The following MIPOL1 variants were observed in gnomAD, a reference collection of about 807,000 sequenced individuals.
MIPOL1 encodes mirror-image polydactyly gene 1 protein.
In MIPOL1, 57 loss-of-function variants were observed where a neutral mutation model predicts 60.9. The observed-to-expected ratio is 0.94, with a 90% CI of 0.76 to 1.17. The LOEUF (loss-of-function observed/expected upper bound fraction) is 1.17. Among genes scored for constraint, MIPOL1 ranks in the 50% most tolerant of loss-of-function variants. The pLI, the probability that MIPOL1 is intolerant of heterozygous loss-of-function variation, is 0.00. For synonymous variants in MIPOL1, 179 were observed against 168.8 expected (o/e 1.06, Z -0.47); for missense variants, 551 against 511.6 (o/e 1.08, Z -0.74).
intron 11 of MIPOL1, among the ~76,000 whole-genome samples, chr14:37,456,809 T>C (rs2094480900): frequency 6.6e-6 from 1 of 152,150 alleles, no homozygotes; most frequent in South Asian, 2.1e-4. Context: ...TTTCTTAATA[T>C]GAAAAAAGCT....
intron 11 of MIPOL1, among the ~76,000 whole-genome samples, chr14:37,428,994 A>G (rs1324885531): frequency 6.6e-6 from 1 of 152,208 alleles, no homozygotes; most frequent in Non-Finnish European, 1.5e-5. Context: ...AATTCCACAT[A>G]TTATAAAAGT....
At chr14:37,251,541 G>A (rs1203370640) in intron 3 of MIPOL1, among the ~76,000 whole-genome samples, 1 of 151,024 alleles carries the variant, frequency 6.6e-6, no homozygotes, top group Non-Finnish European at 1.5e-5. Flanking sequence ...TTCTATTTAA[G>A]GGTTCTCTTT....
chr14:37,544,930 G>A (rs2095542096), intron 12 of MIPOL1, among the ~76,000 whole-genome samples: 1 of 152,150 alleles, frequency 6.6e-6, no homozygotes, highest in Admixed American at 6.5e-5. Flanking sequence ...AGTAAGATGA[G>A]CCTGTCTGTA....
chr14:37,238,227 A>T (rs939251278), intron 1 of MIPOL1, among the ~76,000 whole-genome samples: 6 of 152,204 alleles, frequency 3.9e-5, no homozygotes, highest in African/African-American at 1.4e-4. Flanking sequence ...GTTATAAACG[A>T]TTGCAAACAT....
intron 6 of MIPOL1, among the ~76,000 whole-genome samples, chr14:37,275,779 G>A (rs920468246): frequency 2.0e-5 from 3 of 150,994 alleles, no homozygotes; most frequent in Non-Finnish European, 1.5e-5. Context: ...GCTCACTTTA[G>A]AGCCTCTGCT....
intron 9 of MIPOL1, among the ~76,000 whole-genome samples, chr14:37,343,593 A>C: frequency 6.6e-6 from 1 of 152,206 alleles, no homozygotes. Context: ...TTTGTGACTC[A>C]AAGCAGATTG....
intron 1 of MIPOL1, among the ~76,000 whole-genome samples, chr14:37,229,873 A>G (rs1223726823): frequency 6.6e-6 from 1 of 152,204 alleles, no homozygotes; most frequent in Non-Finnish European, 1.5e-5. Flanking sequence ...AAAAAGTTGG[A>G]TTTAGAAATA....
intron 9 of MIPOL1, among the ~76,000 whole-genome samples, chr14:37,328,456 A>T (rs1277699935): frequency 6.6e-6 from 1 of 152,186 alleles, no homozygotes; most frequent in Non-Finnish European, 1.5e-5. Context: ...AAAGCTTCTT[A>T]AAAGTTTTAT....
intron 1 of MIPOL1, among the ~76,000 whole-genome samples, chr14:37,209,655 A>G (rs1332521390): frequency 6.6e-6 from 1 of 152,146 alleles, no homozygotes; most frequent in Admixed American, 6.5e-5. Context: ...GCAAGACTCC[A>G]TCTCAAAACA....
chr14:37,306,325 G>A (rs2086782197), intron 7 of MIPOL1, among the ~76,000 whole-genome samples: 1 of 151,624 alleles, frequency 6.6e-6, no homozygotes, highest in South Asian at 2.1e-4. Flanking sequence ...TTCCTTCCTG[G>A]TCATATAAAA....
intron 7 of MIPOL1, among the ~76,000 whole-genome samples, chr14:37,291,873 G>A (rs1426405613): frequency 6.7e-6 from 1 of 148,770 alleles, no homozygotes; most frequent in African/African-American, 2.5e-5. Flanking sequence ...ACCTCTCAAA[G>A]GTCTTACTTC....
chr14:37,498,794 G>A (rs2095171243), intron 11 of MIPOL1, among the ~76,000 whole-genome samples: 1 of 151,836 alleles, frequency 6.6e-6, no homozygotes, highest in African/African-American at 2.4e-5. Context: ...TAGTTCTATG[G>A]GACGCCTTCT....
Position 37,267,500 on chromosome 14 carries a change from A to AG in MIPOL1, c.251+331_251+332insG, listed in dbSNP as rs1006236721. Among the ~76,000 whole-genome samples the AG allele has an allele frequency of 3.2e-4, 49 of 151,304 alleles. 1 individual carries two copies. The highest frequency in any genetic ancestry group is 4.6e-4 in the African/African-American group (19 of 41,348). On this transcript the variant is annotated intron_variant, in intron 4 of 12. Transcript: ENST00000684589. ...AAGATTGTCTGAAGAAAAAAAAAAA[A>AG]AGAGAAAGTTAGAATTGGAAGAACT...
intron 12 of MIPOL1, among the ~76,000 whole-genome samples, chr14:37,537,769 A>C (rs2095512852): frequency 6.6e-6 from 1 of 152,192 alleles, no homozygotes; most frequent in Non-Finnish European, 1.5e-5. Context: ...ATATATATTG[A>C]ATGTTGAAAG....
intron 10 of MIPOL1, among the ~76,000 whole-genome samples, chr14:37,390,956 G>A (rs993551545): frequency 6.6e-5 from 10 of 152,014 alleles, no homozygotes; most frequent in African/African-American, 1.4e-4. Flanking sequence ...ATAAATAAAA[G>A]AAAATGACAC....
chr14:37,316,278 G>A (rs569799014), intron 9 of MIPOL1, among the ~76,000 whole-genome samples: 105 of 152,102 alleles, frequency 6.9e-4, no homozygotes, highest in Non-Finnish European at 1.1e-3. Flanking sequence ...TGATCCACCC[G>A]CCTTGGGCTC....
chr14:37,364,651 TAA>T (rs2092409418), intron 9 of MIPOL1, among the ~76,000 whole-genome samples: 1 of 152,212 alleles, frequency 6.6e-6, no homozygotes, highest in Non-Finnish European at 1.5e-5. Flanking sequence ...TAAAGTGAAG[TAA>T]AGAGATTCCT....
intron 12 of MIPOL1, among the ~76,000 whole-genome samples, chr14:37,518,080 T>C (rs546725008): frequency 4.6e-5 from 7 of 152,356 alleles, no homozygotes; most frequent in Admixed American, 4.6e-4. Context: ...TTGATCATCA[T>C]ACTTTGACTA....
At chr14:37,333,296 T>C (rs1644758145) in intron 9 of MIPOL1, among the ~76,000 whole-genome samples, 1 of 152,166 alleles carries the variant, frequency 6.6e-6, no homozygotes, top group Non-Finnish European at 1.5e-5. Context: ...TATACCTTTT[T>C]CTTAACTTTT....
Sources: allele counts gnomAD v4.1 joint callset (sites outside exome capture counted in the v4.1 genomes callset), GRCh38; gene constraint gnomAD v4.1.1; transcripts MANE v1.5; gene names NCBI Gene and HGNC (gene_info 2026-07-23, HGNC 2026-07-21).